The following PDE2A variants were observed in gnomAD, a reference collection of about 807,000 sequenced individuals.
PDE2A encodes the protein phosphodiesterase 2A.
PDE2A carries 53 observed loss-of-function variants against 133.6 expected under a neutral mutation model. The observed-to-expected ratio is 0.40, with a 90% confidence interval of 0.32 to 0.50. PDE2A has a LOEUF of 0.50. PDE2A is among the 20% of genes least tolerant of loss of function. PDE2A has a pLI of 0.73. For synonymous variants in PDE2A, 491 were observed against 490.2 expected, an observed-to-expected ratio of 1.00 and a Z score of -0.02; for missense variants, 796 against 1,232.4, an observed-to-expected ratio of 0.65 and a Z score of 5.30.
chr11:72,637,634 C>T (rs1168745961), intron 2 of PDE2A, among the ~76,000 whole-genome samples: 1 of 152,220 alleles, frequency 6.6e-6, no homozygotes, highest in Non-Finnish European at 1.5e-5. Context: ...CCAGGCCAGC[C>T]CTAGGGCTGT....
At chr11:72,633,568 G>A (rs1157819463) in intron 2 of PDE2A, among the ~76,000 whole-genome samples, 1 of 152,146 alleles carries the variant, frequency 6.6e-6, no homozygotes, top group Admixed American at 6.5e-5. Flanking sequence ...GCCTCCTGAT[G>A]GTCTGACCAG....
chr11:72,600,892 C>T (rs893878142), intron 4 of PDE2A, among the ~76,000 whole-genome samples: 1 of 152,128 alleles, frequency 6.6e-6, no homozygotes, highest in Middle Eastern at 3.4e-3. Context: ...ATGGCAGTTC[C>T]GTCCCTTTAA....
intron 16 of PDE2A, 169 bp downstream of exon 16, chr11:72,585,202 T>C: frequency 2.9e-6 from 2 of 689,804 alleles, no homozygotes; most frequent in East Asian, 2.7e-5. Flanking sequence ...CCTGCTGTAT[T>C]GGAGCCTACA....
chr11:72,632,923 T>C (rs1341255716), intron 2 of PDE2A, among the ~76,000 whole-genome samples: 8 of 152,016 alleles, frequency 5.3e-5, no homozygotes, highest in Admixed American at 5.2e-4. Flanking sequence ...GTGGGGAAAG[T>C]GCCTAGGATG....
intron 1 of PDE2A, among the ~76,000 whole-genome samples, chr11:72,667,149 G>A (rs1399003188): frequency 6.6e-6 from 1 of 152,012 alleles, no homozygotes; most frequent in African/African-American, 2.4e-5. Context: ...TCACACATGT[G>A]AGTATGTTCA....
chr11:72,578,852 G>T lies in PDE2A; in HGVS notation c.2469+45C>A. On this transcript the variant is annotated intron_variant, in intron 28 of 30. Coordinates refer to ENST00000334456, the MANE Select transcript of PDE2A (RefSeq NM_002599.5). This position sits in a 1 kb window ranked among gnomAD's most constrained non-coding sequence, Gnocchi z 4.2. ...CAGGCACAGGGGGCACCCAAAGCTG[G>T]GCAGGGTGGGCAGCCTGTGCCTTCC... 8.2e-7 allele frequency: 1 copy of T among 1,225,912 alleles called. No homozygotes were observed. The highest frequency in any genetic ancestry group is 1.2e-6 in the Non-Finnish European group (1 of 829,370). 75.9% of individuals were successfully genotyped at this position (1,225,912 alleles called of 1,614,324 possible). A position where few individuals can be genotyped will look rare whatever the true frequency, so the allele number is the denominator to read the frequency against.
intron 2 of PDE2A, among the ~76,000 whole-genome samples, chr11:72,628,583 C>A (rs935547886): frequency 6.6e-6 from 1 of 152,180 alleles, no homozygotes; most frequent in Non-Finnish European, 1.5e-5. Context: ...CCTGCCTTGG[C>A]CTCCCAAAGT....
At chr11:72,582,405 C>T (rs769235769) in intron 21 of PDE2A, 39 bp downstream of exon 21, 44 of 1,602,110 alleles carry the variant, frequency 2.7e-5, no homozygotes, top group Non-Finnish European at 3.5e-5. Flanking sequence ...TGGCTACATA[C>T]CTTCGGCCTG....
chr11:72,603,859 C>T lies in PDE2A; in HGVS notation c.323+1279G>A, dbSNP rs368703549. 1.4e-3 allele frequency among the ~76,000 whole-genome samples: 219 copies of T among 152,282 alleles called. 1 individual carries two copies. In the South Asian group the frequency reaches 0.024, roughly 17 times the overall value. ...GCTATCAGAGCAGAACCAACTCCTT[C>T]CACGGGAAAGGGCTGAGGAGAGACC... On this transcript the variant is annotated intron_variant, in intron 4 of 30. Coordinates refer to ENST00000334456, the MANE Select transcript of PDE2A (RefSeq NM_002599.5).
Position 72,590,337 on chromosome 11 carries a change from C to T in PDE2A, c.703+90G>A, listed in dbSNP as rs763455637. 18 of 1,537,904 alleles carry T rather than the reference C, an allele frequency of 1.2e-5. No individual in the cohort carries two copies. Among genetic ancestry groups the T allele is most frequent in the South Asian group, 1.1e-4 (9 of 83,712 alleles). ...CCGCTCAGCTCCGCGCCGGGCCCGC[C>T]GCCGGCTCCCGGGATCGCCTAACCC... On this transcript the variant is annotated intron_variant, in intron 8 of 30. Coordinates refer to ENST00000334456, the MANE Select transcript of PDE2A (RefSeq NM_002599.5). This position sits in a 1 kb window ranked among gnomAD's most constrained non-coding sequence, Gnocchi z 4.8.
chr11:72,596,767 A>G, intron 5 of PDE2A, 119 bp from the exon 6 acceptor site: 1 of 505,206 alleles, frequency 2.0e-6, no homozygotes, highest in Admixed American at 4.2e-5. Context: ...ACAGAGACAC[A>G]CAGAGACCCC....
intron 2 of PDE2A, among the ~76,000 whole-genome samples, chr11:72,609,773 C>T (rs1318002575): frequency 6.6e-6 from 1 of 151,722 alleles, no homozygotes; most frequent in Non-Finnish European, 1.5e-5. Flanking sequence ...AAGGTTGGGT[C>T]TGTGTTCAGA....
chr11:72,581,975 G>A (rs1364662467), intron 21 of PDE2A, 28 bp from the exon 22 acceptor site: 2 of 1,588,086 alleles, frequency 1.3e-6, no homozygotes, highest in African/African-American at 1.3e-5. Context: ...AGGTATCAGA[G>A]GGGCTGCCAG....
chr11:72,581,844 G>A, intron 22 of PDE2A, 33 bp downstream of exon 22: 1 of 1,600,630 alleles, frequency 6.2e-7, no homozygotes, highest in South Asian at 1.1e-5. Flanking sequence ...AAAGAGGGAG[G>A]CGAAGACTGG....
At chr11:72,585,121 T>C in intron 16 of PDE2A, 177 bp from the exon 17 acceptor site, 1 of 670,176 alleles carries the variant, frequency 1.5e-6, no homozygotes, top group Non-Finnish European at 2.5e-6. Flanking sequence ...TTTGTTTTTT[T>C]TTTTTTTTGG....
At chr11:72,580,839 C>A (rs644698) in intron 24 of PDE2A, 47 bp downstream of exon 24, 1,234,516 of 1,240,092 alleles carry the variant, frequency 1, 614,628 homozygotes, top group East Asian at 1. Context: ...ATGAGACTCC[C>A]AGACACCCCA....
At chr11:72,606,803 G>T (rs191011597) in intron 3 of PDE2A, among the ~76,000 whole-genome samples, 2 of 152,294 alleles carry the variant, frequency 1.3e-5, no homozygotes, top group Non-Finnish European at 2.9e-5. Context: ...GGTAGTCCAT[G>T]GGGGCAGAGG....
chr11:72,583,504 G>C lies in PDE2A; in HGVS notation c.1662C>G (p.Tyr554Ter), dbSNP rs762159119. The change falls in exon 20 of 31, where the codon TAC (tyrosine) becomes TAG (stop). Residue 554 changes from tyrosine to a stop codon, truncating the protein, a stop_gained. Transcript: ENST00000334456. LOFTEE classifies it high-confidence loss of function. ...GATACTGAGCCTCATTCACTTTTTT[G>C]TATAGGAGAGACTAGGGGAAAGAGG... is the stretch of plus-strand genomic sequence containing the variant. ...CGISIAHSLL[Y>*]KKVNEAQYRS... The C allele has an allele frequency of 6.2e-7, 1 of 1,608,282 alleles. No individual in the cohort carries two copies. Among genetic ancestry groups the C allele is most frequent in the Non-Finnish European group, 8.5e-7 (1 of 1,174,754 alleles).
At chr11:72,605,090 A>G in intron 4 of PDE2A, 48 bp downstream of exon 4, 1 of 1,242,436 alleles carries the variant, frequency 8.0e-7, no homozygotes, top group Non-Finnish European at 1.2e-6. Flanking sequence ...CAGCCCTGAG[A>G]ATCCTTGGCC....
Sources: gnomAD v4.1 joint callset for allele counts (sites outside exome capture counted in the v4.1 genomes callset) on GRCh38, gnomAD v4.1.1 for gene constraint, Gnocchi (gnomAD v3.1) non-coding constraint, MANE v1.5 for transcripts, NCBI Gene and HGNC (gene_info 2026-07-23, HGNC 2026-07-21) for gene names.